Variants in LOXL3 observed in about 807,000 individuals in gnomAD.
The protein encoded by LOXL3 is lysyl oxidase homolog 3.
Under a neutral mutation model 91.8 loss-of-function variants are expected in LOXL3, and 60 were observed. The ratio of observed to expected loss-of-function variants is 0.65; its 90% CI spans 0.53 to 0.81. The LOEUF is 0.81. Among genes scored for constraint, LOXL3 ranks in the 30% least tolerant of loss-of-function variants. LOXL3 has a pLI of 0.00. For synonymous variants in LOXL3, 355 were observed against 387.6 expected (o/e 0.92, Z 0.99); for missense variants, 874 against 1,000.4 (o/e 0.87, Z 1.70).
At chr2:74,543,705 A>G (rs1388070881) in intron 4 of LOXL3, among the ~76,000 whole-genome samples, 1 of 150,720 alleles carries the variant, frequency 6.6e-6, no homozygotes, top group Non-Finnish European at 1.5e-5. Context: ...AGCCTGGGCA[A>G]CATGGAGAAA....
At position 74,536,788 on chromosome 2, in the gene LOXL3, A is replaced by G. The variant is rs573740131; in HGVS notation, c.833T>C (p.Val278Ala). Residue 278 changes from valine (V) to alanine (A), a missense_variant, in exon 5 of 14, where the codon GTG (valine) becomes GCG (alanine). Physicochemically the swap from Val to Ala is moderately conservative, Grantham distance 64. Transcript: ENST00000264094. The surrounding 1 kb of genome is among the most constrained non-coding windows in gnomAD (Gnocchi z 4.5). ...TARCPGGGPA[V>A]VSCVPGPVYA... ...GACAGGGCCTGGCACACAGCTCACC[A>G]CTGCAGGGCCCCCCCCAGGGCACCT... 85 of 1,614,006 alleles carry G rather than the reference A, an allele frequency of 5.3e-5. No homozygotes were observed. The South Asian group carries it at 8.7e-4, about 16-fold the overall frequency.
chr2:74,533,652 C>T lies in LOXL3; in HGVS notation c.2216G>A (p.Arg739Lys). 6.2e-7 allele frequency: 1 copy of T among 1,614,026 alleles called. No individual in the cohort carries two copies. The highest frequency in any genetic ancestry group is 8.5e-7 in the Non-Finnish European group (1 of 1,180,002). The change falls in exon 14 of 14, where the codon AGG becomes AAG. Residue 739 changes from arginine to lysine, a missense_variant. By Grantham distance (26) the Arg-to-Lys change is conservative. Transcript: ENST00000264094. ...IGDAFSEEAN[R>K]RFERYPGQTS... is the part of the protein sequence containing the mutation. ...CTGGCCAGGGTAGCGTTCAAACCTC[C>T]TGTTGGCCTCTTCACTGAAGGCATC...
chr2:74,554,658 C>G, upstream of LOXL3: 1 of 1,266,924 alleles, frequency 7.9e-7, no homozygotes, highest in East Asian at 2.5e-5. The surrounding 1 kb of genome is among the most constrained non-coding windows in gnomAD (Gnocchi z 4.9). Flanking sequence ...CGGCGGGGGC[C>G]GGGGAGGGGC....
chr2:74,544,021 T>A (rs1346461207), intron 4 of LOXL3, among the ~76,000 whole-genome samples: 1 of 150,050 alleles, frequency 6.7e-6, no homozygotes, highest in African/African-American at 2.5e-5. Context: ...AACACTTCAA[T>A]GGCCGGGCAC....
rs1480925469 is a variant in LOXL3 at position 74,532,675 on chromosome 2, T to A, written c.*931A>T. 1.2e-6 allele frequency: 2 copies of A among 1,613,842 alleles called. No homozygotes were observed. The highest frequency in any genetic ancestry group is 1.7e-6 in the Non-Finnish European group (2 of 1,180,014). ...AGCTTTCCCGATGTTCAGCATGGTGTACTCATCCATAAAGTCATCCTGGGC... is the reference window on the plus strand; with the variant it reads ...AGCTTTCCCGATGTTCAGCATGGTGAACTCATCCATAAAGTCATCCTGGGC... On this transcript the variant is annotated 3_prime_UTR_variant, in exon 14 of 14. Transcript: ENST00000264094.
chr2:74,552,231 G>T, intron 2 of LOXL3, 91 bp downstream of exon 2: 17 of 1,191,150 alleles, frequency 1.4e-5, no homozygotes, highest in Non-Finnish European at 2.0e-5. Context: ...GGTGTCGTGT[G>T]TCCCTATGGC....
In LOXL3 at chr2:74,536,920, G is replaced by T; in HGVS notation, c.701C>A (p.Ala234Asp). The change falls in exon 5 of 14, where the codon GCC becomes GAC. Residue 234 changes from alanine (A) to aspartate (D), a missense_variant. Ala to Asp is a moderately radical substitution (Grantham distance 126, BLOSUM62 -2). Coordinates refer to ENST00000264094, the MANE Select transcript of LOXL3 (RefSeq NM_032603.5). This position sits in a 1 kb window ranked among gnomAD's most constrained non-coding sequence, Gnocchi z 4.5. ...RVNAAFYRLL[A>D]QRQQHSFGLH... ...ACCAAAGGAGTGTTGCTGCCGTTGG[G>T]CTAGCAGCCTAGGGGGACAGGAGTG... 6.2e-7 allele frequency: 1 copy of T among 1,614,074 alleles called. No individual in the cohort carries two copies. The highest frequency in any genetic ancestry group is 8.5e-7 in the Non-Finnish European group (1 of 1,179,962).
At chr2:74,547,430 TC>T (rs1195147613) in intron 4 of LOXL3, among the ~76,000 whole-genome samples, 3 of 152,178 alleles carry the variant, frequency 2.0e-5, no homozygotes, top group Non-Finnish European at 4.4e-5. Flanking sequence ...ATTCTACGCA[TC>T]TTTCAGAACA....
At position 74,532,794 on chromosome 2, in the gene LOXL3, TTCTC is replaced by T; in HGVS notation, c.*808_*811del. 6.2e-7 allele frequency: 1 copy of T among 1,614,110 alleles called. No homozygotes were observed. The highest frequency in any genetic ancestry group is 8.5e-7 in the Non-Finnish European group (1 of 1,180,004). ...TGAACTAGGCTTTGTACTCCTTCCT[TTCTC>T]TCTGTCCATTTTTCTCTATAGGGCT... On this transcript the variant is annotated 3_prime_UTR_variant, in exon 14 of 14. Transcript: ENST00000264094.
chr2:74,538,600 T>G (rs1050116659), intron 4 of LOXL3, among the ~76,000 whole-genome samples: 4 of 152,186 alleles, frequency 2.6e-5, no homozygotes, highest in African/African-American at 7.2e-5. Flanking sequence ...GGGAGCCTAA[T>G]TGTGGAAAAT....
rs1272418320 is a variant in LOXL3 at position 74,549,727 on chromosome 2, T to C, written c.478-144A>G. On this transcript the variant is annotated intron_variant, in intron 3 of 13. Coordinates refer to ENST00000264094, the MANE Select transcript of LOXL3 (RefSeq NM_032603.5). The surrounding 1 kb of genome is among the most constrained non-coding windows in gnomAD (Gnocchi z 5.3). ...GGCGGCGCTGAGAGAGCGGCCACGATGGCCGCAGTCCGCGGTGTGGACTCT... is the reference window on the plus strand; with the variant it reads ...GGCGGCGCTGAGAGAGCGGCCACGACGGCCGCAGTCCGCGGTGTGGACTCT... 1.4e-6 allele frequency: 2 copies of C among 1,443,534 alleles called. No homozygotes were observed. The highest frequency in any genetic ancestry group is 1.8e-6 in the Non-Finnish European group (2 of 1,096,596). 89.4% of individuals were successfully genotyped at this position (1,443,534 alleles called of 1,614,324 possible).
At position 74,536,192 on chromosome 2, in the gene LOXL3, T is replaced by C; in HGVS notation, c.1094-42A>G. 1 of 1,612,114 alleles carries C rather than the reference T, an allele frequency of 6.2e-7. No individual in the cohort carries two copies. The highest frequency in any genetic ancestry group is 1.7e-5 in the Admixed American group (1 of 60,012). ...AAGATCAGGAAGTTGTAATTAAGCA[T>C]ATATTGTCTGCCCAGGGGACACCTA... On this transcript the variant is annotated intron_variant, in intron 6 of 13. Transcript: ENST00000264094. This position sits in a 1 kb window ranked among gnomAD's most constrained non-coding sequence, Gnocchi z 4.5.
At chr2:74,533,847 C>T (rs1675811954) in intron 13 of LOXL3, 35 bp downstream of exon 13, 3 of 1,553,126 alleles carry the variant, frequency 1.9e-6, no homozygotes, top group Non-Finnish European at 1.8e-6. Flanking sequence ...CCTCCCATCC[C>T]CTAATCTTCC....
upstream of LOXL3, chr2:74,555,564 C>G: frequency 1.2e-6 from 2 of 1,614,114 alleles, no homozygotes; most frequent in Non-Finnish European, 1.7e-6. The surrounding 1 kb of genome is among the most constrained non-coding windows in gnomAD (Gnocchi z 6.1). Context: ...TCTCGATGCT[C>G]TCTACTACAG....
Position 74,535,887 on chromosome 2 carries a change from G to C in LOXL3, c.1248+109C>G. Reference sequence around the variant, plus strand: ...AGTGATGGGTCAGGTGGGAGCTGCAGGAGGGCAGGGGCCTGGGGCAATGGG... The same window carrying C: ...AGTGATGGGTCAGGTGGGAGCTGCACGAGGGCAGGGGCCTGGGGCAATGGG... On this transcript the variant is annotated intron_variant, in intron 7 of 13. Transcript: ENST00000264094. The surrounding 1 kb of genome is among the most constrained non-coding windows in gnomAD (Gnocchi z 4.2). 2 of 1,475,858 alleles carry C rather than the reference G, an allele frequency of 1.4e-6. No homozygotes were observed. Among genetic ancestry groups the C allele is most frequent in the Non-Finnish European group, 1.8e-6 (2 of 1,106,860 alleles). The allele number at this position is 1,475,858 out of a possible 1,614,324, so 91.4% of individuals were successfully genotyped here. A position where few individuals can be genotyped will look rare whatever the true frequency, so the allele number is the denominator to read the frequency against.
In LOXL3 at chr2:74,536,057, C is replaced by T. The variant is rs1339553328; in HGVS notation, c.1187G>A (p.Cys396Tyr). Residue 396 changes from cysteine (C) to tyrosine (Y), a missense_variant, in exon 7 of 14, where the codon TGT (cysteine) becomes TAT (tyrosine). Physicochemically the swap from Cys to Tyr is radical, Grantham distance 194 (BLOSUM62 -2). Transcript: ENST00000264094. This position sits in a 1 kb window ranked among gnomAD's most constrained non-coding sequence, Gnocchi z 4.5. ...CPHKNITAED[C>Y]SHSQDAGVRC... ...GACCCCGGCATCCTGGCTATGTGAA[C>T]AATCCTCAGCTGTGATGTTCTTGTG... The T allele has an allele frequency of 6.2e-7, 1 of 1,610,888 alleles. No homozygotes were observed. Among genetic ancestry groups the T allele is most frequent in the Non-Finnish European group, 8.5e-7 (1 of 1,178,490 alleles).
chr2:74,547,115 A>G (rs1180324207), intron 4 of LOXL3, among the ~76,000 whole-genome samples: 2 of 152,064 alleles, frequency 1.3e-5, no homozygotes, highest in African/African-American at 4.8e-5. Flanking sequence ...GGCTCAAGCA[A>G]TCTTCCCACC....
At chr2:74,533,804 AAC>A (rs1316187160) in intron 13 of LOXL3, 76 bp downstream of exon 13, 37 of 1,461,168 alleles carry the variant, frequency 2.5e-5, no homozygotes, top group Non-Finnish European at 3.5e-5. Context: ...AAGATGGAGA[AAC>A]AAGCTATGGA....
At chr2:74,546,966 G>A (rs1374521428) in intron 4 of LOXL3, among the ~76,000 whole-genome samples, 11 of 152,014 alleles carry the variant, frequency 7.2e-5, no homozygotes, top group African/African-American at 2.4e-4. Context: ...TCCGCGCCTC[G>A]ACCTCCCAAA....
Sources: allele counts gnomAD v4.1 joint callset (sites outside exome capture counted in the v4.1 genomes callset), GRCh38; gene constraint gnomAD v4.1.1; non-coding constraint Gnocchi (gnomAD v3.1); transcripts MANE v1.5; gene names NCBI Gene and HGNC (gene_info 2026-07-23, HGNC 2026-07-21).